BLTP3B: variants seen among roughly 807,000 people sequenced by gnomAD.
The protein encoded by BLTP3B is UHRF1 (ICBP90) binding protein 1-like.
At chr12:100,136,807 TTTC>T in the BLTP3B span, among the ~76,000 whole-genome samples, 1 of 150,018 alleles carries the variant, frequency 6.7e-6, no homozygotes, top group African/African-American at 2.5e-5. Flanking sequence ...TTTTCTTTTT[TTTC>T]TTTTTTTTTA....
chr12:100,139,808 T>C, the BLTP3B span, among the ~76,000 whole-genome samples: 1 of 152,232 alleles, frequency 6.6e-6, no homozygotes, highest in South Asian at 2.1e-4. Flanking sequence ...AAGACAAAAA[T>C]ACATAAAGAA....
the BLTP3B span, chr12:100,059,264 A>G: frequency 6.2e-7 from 1 of 1,613,874 alleles, no homozygotes. Flanking sequence ...TTCCTTTATA[A>G]ATTTCATGCA....
At chr12:100,115,100 T>C in the BLTP3B span, among the ~76,000 whole-genome samples, 3 of 152,168 alleles carry the variant, frequency 2.0e-5, no homozygotes, top group African/African-American at 7.2e-5. Context: ...ATATGTTCTA[T>C]TACAGTCTTT....
chr12:100,089,096 C>A, the BLTP3B span: 1 of 1,504,398 alleles, frequency 6.6e-7, no homozygotes, highest in East Asian at 2.5e-5. Context: ...CTGTAGAGCT[C>A]TAAAAAGATT....
At chr12:100,045,783 G>C in the BLTP3B span, among the ~76,000 whole-genome samples, 3 of 152,106 alleles carry the variant, frequency 2.0e-5, no homozygotes, top group South Asian at 2.1e-4. Context: ...TCATCAGAGT[G>C]AACAGGCAAC....
chr12:100,120,957 T>C, the BLTP3B span, among the ~76,000 whole-genome samples: 16 of 152,056 alleles, frequency 1.1e-4, no homozygotes, highest in Non-Finnish European at 2.2e-4. Flanking sequence ...TAATCAGCAA[T>C]AAGAATGTAC....
chr12:100,138,864 C>T, the BLTP3B span, among the ~76,000 whole-genome samples: 2 of 140,106 alleles, frequency 1.4e-5, no homozygotes, highest in African/African-American at 6.0e-5. Flanking sequence ...TACACATACA[C>T]ATACACACAC....
chr12:100,124,138 G>A, the BLTP3B span, among the ~76,000 whole-genome samples: 2 of 151,496 alleles, frequency 1.3e-5, no homozygotes, highest in Admixed American at 1.3e-4. Context: ...GCCAAGCATG[G>A]TGGTGCATGC....
chr12:100,061,063 G>A, the BLTP3B span, among the ~76,000 whole-genome samples: 5 of 152,072 alleles, frequency 3.3e-5, no homozygotes, highest in Admixed American at 1.3e-4. Context: ...TTAAAAGTTC[G>A]TAGTTTATTA....
chr12:100,112,894 G>A, the BLTP3B span, among the ~76,000 whole-genome samples: 1 of 150,942 alleles, frequency 6.6e-6, no homozygotes, highest in Non-Finnish European at 1.5e-5. Context: ...CAGCTTGCTA[G>A]GCACAGGAGC....
the BLTP3B span, among the ~76,000 whole-genome samples, chr12:100,042,837 T>C: frequency 1.3e-5 from 2 of 152,204 alleles, no homozygotes; most frequent in African/African-American, 4.8e-5. Context: ...TCTTGCTCTG[T>C]TGTTCAGGCT....
the BLTP3B span, chr12:100,048,162 G>A: frequency 6.2e-7 from 1 of 1,601,464 alleles, no homozygotes; most frequent in Non-Finnish European, 8.5e-7. Context: ...TCTCAGGAGA[G>A]GATTTGGAAT....
the BLTP3B span, among the ~76,000 whole-genome samples, chr12:100,124,936 TTATATATATATATATATATATATATA>T: frequency 5.6e-3 from 318 of 56,540 alleles, 9 homozygotes; most frequent in Non-Finnish European, 7.4e-3. Flanking sequence ...AAAAAAAATT[TTATATATATATATATATATATATATA>T]TATATATATA....
At chr12:100,107,139 T>G in the BLTP3B span, among the ~76,000 whole-genome samples, 1 of 147,440 alleles carries the variant, frequency 6.8e-6, no homozygotes, top group Non-Finnish European at 1.5e-5. Context: ...AATACGAAAA[T>G]TAGCCAGGTG....
At chr12:100,088,851 C>G in the BLTP3B span, 5 of 1,272,512 alleles carry the variant, frequency 3.9e-6, no homozygotes, top group African/African-American at 3.1e-5. Context: ...ATTTAATAAA[C>G]AATCCAGTTT....
the BLTP3B span, among the ~76,000 whole-genome samples, chr12:100,110,669 T>C: frequency 1.3e-5 from 2 of 152,042 alleles, no homozygotes; most frequent in East Asian, 3.9e-4. Context: ...AAACAGGGAC[T>C]TTTGAGCTGG....
chr12:100,080,413 C>A, the BLTP3B span, among the ~76,000 whole-genome samples: 4 of 150,720 alleles, frequency 2.7e-5, no homozygotes, highest in African/African-American at 9.8e-5. Context: ...AGCACAGTGG[C>A]GCGATCTCAG....
chr12:100,089,022 G>C, the BLTP3B span: 1 of 1,611,446 alleles, frequency 6.2e-7, no homozygotes, highest in Non-Finnish European at 8.5e-7. Context: ...TTTCACAATT[G>C]CATCATTTAC....
the BLTP3B span, among the ~76,000 whole-genome samples, chr12:100,109,887 C>T: frequency 1.3e-5 from 2 of 152,084 alleles, no homozygotes; most frequent in Non-Finnish European, 2.9e-5. Context: ...CCCATGATAA[C>T]CTATTAGGGT....
Sources: gnomAD v4.1 joint callset for allele counts (sites outside exome capture counted in the v4.1 genomes callset) on GRCh38, gnomAD v4.1.1 for gene constraint, MANE v1.5 for transcripts, NCBI Gene and HGNC (gene_info 2026-07-23, HGNC 2026-07-21) for gene names.